Variants in USH1C observed in about 807,000 individuals in gnomAD.
The protein encoded by USH1C is USH1 protein network component harmonin.
USH1C carries 90 observed loss-of-function variants against 119.3 expected under a neutral mutation model. The ratio of observed to expected loss-of-function variants is 0.75; its 90% CI spans 0.64 to 0.90. The LOEUF is 0.90. Among genes scored for constraint, USH1C ranks in the 40% least tolerant of loss-of-function variants. USH1C has a pLI of 0.00. For synonymous variants in USH1C, 465 were observed against 443.3 expected, an observed-to-expected ratio of 1.05 and a Z score of -0.62; for missense variants, 1,165 against 1,167.7, an observed-to-expected ratio of 1.00 and a Z score of 0.03.
chr11:17,509,216 C>T (rs556218531), intron 18 of USH1C, 140 bp downstream of exon 18: 32 of 1,217,942 alleles, frequency 2.6e-5, no homozygotes, highest in African/African-American at 6.1e-5. Flanking sequence ...CACATGCACA[C>T]GGAGGGGGCA....
chr11:17,495,818 C>T (rs1849229243), intron 25 of USH1C, 141 bp from the exon 26 acceptor site: 1 of 846,386 alleles, frequency 1.2e-6, no homozygotes, highest in Admixed American at 2.3e-5. Context: ...GCTGCGAGAC[C>T]CTGGTTTCTC....
rs1849763035 is a variant in USH1C at position 17,509,241 on chromosome 11, G to A, written c.2013+115C>T. The A allele has an allele frequency of 2.1e-6, 3 of 1,396,434 alleles. No individual in the cohort carries two copies. The African/African-American group carries it at 4.3e-5, about 20-fold the overall frequency. 86.5% of individuals were successfully genotyped at this position (1,396,434 alleles called of 1,614,324 possible). A position where few individuals can be genotyped will look rare whatever the true frequency, so the allele number is the denominator to read the frequency against. On this transcript the variant is annotated intron_variant, in intron 18 of 26. Coordinates refer to ENST00000005226, the MANE Select transcript of USH1C (RefSeq NM_153676.4). ...CGGAGGGGGCATTCCTGGAAAATGG[G>A]GTGAGATGATGTTTCTTTCTGTCTC... is the stretch of plus-strand genomic sequence containing the variant.
chr11:17,510,395 GC>G lies in USH1C; in HGVS notation c.1530+9del. ...CAGGAGGGTCTATGTGGAAAGAAGG[GC>G]TCTGTTACCTCTGAAATCTCATTAT... On this transcript the variant is annotated intron_variant, in intron 17 of 26. Coordinates refer to ENST00000005226, the MANE Select transcript of USH1C (RefSeq NM_153676.4). 1 of 1,605,212 alleles carries G rather than the reference GC, an allele frequency of 6.2e-7. No individual in the cohort carries two copies. Among genetic ancestry groups the G allele is most frequent in the Non-Finnish European group, 8.5e-7 (1 of 1,173,850 alleles).
chr11:17,531,226 G>A lies in USH1C; in HGVS notation c.315C>T (p.Gly105=). 2 of 1,614,132 alleles carry A rather than the reference G, an allele frequency of 1.2e-6. No homozygotes were observed. Among genetic ancestry groups the A allele is most frequent in the Non-Finnish European group, 1.7e-6 (2 of 1,180,034 alleles). ...TGAAGAGCCCACAGCCAAACTCCAG[G>A]CCACCACGCACACTCAGGCCGAGGC... ...PEGLGLSVRG[G]LEFGCGLFIS... Residue 105 remains glycine, a synonymous_variant, in exon 4 of 27, where the codon GGC becomes GGT. Coordinates refer to ENST00000005226, the MANE Select transcript of USH1C (RefSeq NM_153676.4). This position sits in a 1 kb window ranked among gnomAD's most constrained non-coding sequence, Gnocchi z 4.2.
At chr11:17,516,711 A>G (rs1463832463) in intron 14 of USH1C, 2 of 310,826 alleles carry the variant, frequency 6.4e-6, no homozygotes, top group South Asian at 3.2e-5. Flanking sequence ...GCTCGAGACA[A>G]AAGGGAGCCT....
chr11:17,535,833 G>C (rs1851214659), intron 1 of USH1C, among the ~76,000 whole-genome samples: 1 of 152,188 alleles, frequency 6.6e-6, no homozygotes, highest in Non-Finnish European at 1.5e-5. Flanking sequence ...GGATCAGAGA[G>C]GTTAAGTCAA....
rs11827649 is a variant in USH1C at position 17,493,927 on chromosome 11, G to C, written c.*405C>G. ...GAAAATAAATCTATTTTATTAATGAGCTCAGAGTAAGGTTTGGAGTGACAA... is the reference window on the plus strand; with the variant it reads ...GAAAATAAATCTATTTTATTAATGACCTCAGAGTAAGGTTTGGAGTGACAA... On this transcript the variant is annotated 3_prime_UTR_variant, in exon 27 of 27. Coordinates refer to ENST00000005226, the MANE Select transcript of USH1C (RefSeq NM_153676.4). The C allele has an allele frequency of 3.7e-3, 1,024 of 278,574 alleles. 12 individuals carry two copies. The highest frequency in any genetic ancestry group is 0.021 in the African/African-American group (969 of 46,404). 17.3% of individuals were successfully genotyped at this position (278,574 alleles called of 1,614,324 possible).
chr11:17,504,570 A>G (rs1316487885), intron 20 of USH1C, 77 bp downstream of exon 20: 2 of 1,523,422 alleles, frequency 1.3e-6, no homozygotes, highest in African/African-American at 1.4e-5. Context: ...GTACTCCCAG[A>G]GAGAAAGAAG....
At chr11:17,515,532 A>G (rs1293204204) in intron 15 of USH1C, among the ~76,000 whole-genome samples, 1 of 152,046 alleles carries the variant, frequency 6.6e-6, no homozygotes, top group Non-Finnish European at 1.5e-5. Context: ...AATTTAGCTC[A>G]CCCAGATTTA....
chr11:17,494,411 G>T, intron 26 of USH1C, 35 bp from the exon 27 acceptor site: 1 of 1,577,874 alleles, frequency 6.3e-7, no homozygotes. Context: ...GGTGGATACA[G>T]GCTTTGTGGG....
intron 16 of USH1C, 76 bp from the exon 17 acceptor site, chr11:17,510,597 A>G: frequency 8.9e-7 from 1 of 1,120,250 alleles, no homozygotes; most frequent in Non-Finnish European, 1.4e-6. Context: ...AATAGCATGA[A>G]AGCACTCCTT....
At chr11:17,498,536 C>T (rs1005764404) in intron 23 of USH1C, among the ~76,000 whole-genome samples, 5 of 152,190 alleles carry the variant, frequency 3.3e-5, no homozygotes, top group African/African-American at 1.2e-4. Flanking sequence ...TCTGTTATTA[C>T]AGAGGGACAC....
rs527623866 is a variant in USH1C at position 17,536,800 on chromosome 11, A to G, written c.37-3478T>C. Reference sequence around the variant, plus strand: ...CACTCAGAACATTCCATCTACCGCCATGTCTGACTTGTCTATTTAAACAAT... The same window carrying G: ...CACTCAGAACATTCCATCTACCGCCGTGTCTGACTTGTCTATTTAAACAAT... On this transcript the variant is annotated intron_variant, in intron 1 of 26. Coordinates refer to ENST00000005226, the MANE Select transcript of USH1C (RefSeq NM_153676.4). Among the ~76,000 whole-genome samples, 6 of 152,368 alleles carry G rather than the reference A, an allele frequency of 3.9e-5. No individual in the cohort carries two copies. In the East Asian group the frequency reaches 1.2e-3, roughly 29 times the overall value.
chr11:17,501,940 A>C lies in USH1C; in HGVS notation c.2225T>G (p.Met742Arg), dbSNP rs200182990. 3 of 1,613,556 alleles carry C rather than the reference A, an allele frequency of 1.9e-6. No homozygotes were observed. In the South Asian group the frequency reaches 3.3e-5, roughly 18 times the overall value. ...CAGGAGAGAAGCGTCATCTCTTACC[A>C]TAGAGTAGGGGTCAAAGCCTTCCTC... is the stretch of plus-strand genomic sequence containing the variant. The part of the protein sequence containing the change: ...KYEEGFDPYS[M>R]FTPEQIMGKD... The change falls in exon 21 of 27, where the codon ATG becomes AGG. Residue 742 changes from methionine to arginine, a missense_variant and splice_region_variant. Coordinates refer to ENST00000005226, the MANE Select transcript of USH1C (RefSeq NM_153676.4).
chr11:17,531,093 TGAGGGG>T lies in USH1C; in HGVS notation c.387+55_387+60del. The T allele has an allele frequency of 6.2e-7, 1 of 1,611,530 alleles. No homozygotes were observed. Among genetic ancestry groups the T allele is most frequent in the Non-Finnish European group, 8.5e-7 (1 of 1,179,312 alleles). Reference sequence around the variant, plus strand: ...TGTGCCACACAGCCTAGTGGATGAATGAGGGGGAGGCAGGAGGTCCGAGGCCCTCGC... The same window carrying T: ...TGTGCCACACAGCCTAGTGGATGAATGAGGCAGGAGGTCCGAGGCCCTCGC... On this transcript the variant is annotated intron_variant, in intron 4 of 26. Transcript: ENST00000005226. The surrounding 1 kb of genome is among the most constrained non-coding windows in gnomAD (Gnocchi z 4.2).
chr11:17,502,039 G>A lies in USH1C; in HGVS notation c.2185-59C>T, dbSNP rs912436919. On this transcript the variant is annotated intron_variant, in intron 20 of 26. Coordinates refer to ENST00000005226, the MANE Select transcript of USH1C (RefSeq NM_153676.4). ...GCAGAGGGTCTTGAGGGTCAGAGCCGAGGAGTAGGGGGATGAATGGTCGGA... is the reference window on the plus strand; with the variant it reads ...GCAGAGGGTCTTGAGGGTCAGAGCCAAGGAGTAGGGGGATGAATGGTCGGA... 49 of 1,560,776 alleles carry A rather than the reference G, an allele frequency of 3.1e-5. 1 individual carries two copies. The Admixed American group carries it at 4.8e-4, about 15-fold the overall frequency.
At chr11:17,522,327 C>A (rs1017289178) in intron 12 of USH1C, among the ~76,000 whole-genome samples, 1 of 152,264 alleles carries the variant, frequency 6.6e-6, no homozygotes, top group Middle Eastern at 3.4e-3. Flanking sequence ...CCAGCTTGGC[C>A]ACGTGTGACG....
intron 1 of USH1C, among the ~76,000 whole-genome samples, chr11:17,542,142 A>C (rs1851496737): frequency 6.6e-6 from 1 of 152,258 alleles, no homozygotes; most frequent in South Asian, 2.1e-4. Flanking sequence ...ACTGAGGCAC[A>C]GAGAGATTAA....
intron 14 of USH1C, chr11:17,516,718 G>A (rs1850162462): frequency 3.3e-6 from 1 of 307,558 alleles, no homozygotes; most frequent in South Asian, 3.3e-5. Context: ...ACAAAAGGGA[G>A]CCTGGGTGTC....
Sources: allele counts gnomAD v4.1 joint callset (sites outside exome capture counted in the v4.1 genomes callset), GRCh38; gene constraint gnomAD v4.1.1; non-coding constraint Gnocchi (gnomAD v3.1); transcripts MANE v1.5; gene names NCBI Gene and HGNC (gene_info 2026-07-23, HGNC 2026-07-21).